The following HIVEP3 variants were observed in gnomAD, a reference collection of about 807,000 sequenced individuals.
HIVEP3 encodes the protein HIVEP zinc finger 3.
In HIVEP3, 49 loss-of-function variants were observed where a neutral mutation model predicts 152.8. The ratio of observed to expected loss-of-function variants is 0.32; its 90% CI spans 0.26 to 0.41. HIVEP3 has a LOEUF of 0.41. Ranked by LOEUF, HIVEP3 falls within the 10% of genes least tolerant of loss-of-function variation. The pLI is 1.00. For synonymous variants in HIVEP3, 1,269 were observed against 1,289.0 expected (o/e 0.98, Z 0.33); for missense variants, 2,790 against 3,103.3 (o/e 0.90, Z 2.40).
At chr1:41,643,603 T>C (rs1553242193) in intron 2 of HIVEP3, among the ~76,000 whole-genome samples, 1 of 152,258 alleles carries the variant, frequency 6.6e-6, no homozygotes, top group Non-Finnish European at 1.5e-5. Context: ...ACAGTCTGCC[T>C]GGACCAAAGG....
intron 3 of HIVEP3, among the ~76,000 whole-genome samples, chr1:41,610,736 G>C (rs1442869464): frequency 6.6e-6 from 1 of 152,106 alleles, no homozygotes; most frequent in Non-Finnish European, 1.5e-5. Flanking sequence ...ACTGAATTCC[G>C]AGCGCAATTT....
intron 1 of HIVEP3, among the ~76,000 whole-genome samples, chr1:42,003,125 G>T (rs1176266765): frequency 1.3e-5 from 2 of 151,690 alleles, no homozygotes; most frequent in East Asian, 1.9e-4. Flanking sequence ...GCCCAGGCTG[G>T]AGTACAGTGG....
intron 1 of HIVEP3, among the ~76,000 whole-genome samples, chr1:42,017,084 A>G (rs1319410820): frequency 2.0e-4 from 31 of 152,094 alleles, no homozygotes; most frequent in Admixed American, 2.0e-3. Context: ...CTGGCAACAC[A>G]TAATACATTA....
At chr1:41,540,831 T>C (rs773277959) in intron 5 of HIVEP3, among the ~76,000 whole-genome samples, 1 of 152,172 alleles carries the variant, frequency 6.6e-6, no homozygotes, top group Non-Finnish European at 1.5e-5. Flanking sequence ...ACAGGTCTAG[T>C]ATTCAAGCCC....
chr1:41,938,776 T>C (rs1205225539), intron 1 of HIVEP3, among the ~76,000 whole-genome samples: 1 of 152,192 alleles, frequency 6.6e-6, no homozygotes, highest in Non-Finnish European at 1.5e-5. Flanking sequence ...CTCATTCTCA[T>C]AACCTAAATA....
At chr1:41,849,744 G>T (rs984625852) in intron 1 of HIVEP3, among the ~76,000 whole-genome samples, 38 of 150,728 alleles carry the variant, frequency 2.5e-4, no homozygotes, top group African/African-American at 9.1e-4. Context: ...AGGCTGGAGT[G>T]CAATGGCGCA....
intron 1 of HIVEP3, among the ~76,000 whole-genome samples, chr1:41,886,110 A>G (rs1291829305): frequency 3.3e-5 from 5 of 152,180 alleles, no homozygotes; most frequent in African/African-American, 1.2e-4. Flanking sequence ...GATGAAGAGC[A>G]CTGTATCTTT....
At chr1:41,704,460 C>T (rs1057168705) in intron 1 of HIVEP3, among the ~76,000 whole-genome samples, 1 of 152,250 alleles carries the variant, frequency 6.6e-6, no homozygotes, top group African/African-American at 2.4e-5. Flanking sequence ...AGCGCCAGTG[C>T]CAGCAACTAG....
chr1:41,518,362 G>C (rs147597306), intron 7 of HIVEP3, 40 bp downstream of exon 7: 1 of 1,550,434 alleles, frequency 6.4e-7, no homozygotes, highest in South Asian at 1.1e-5. Context: ...AGGGAAAGCG[G>C]ACAAGGGGAA....
At chr1:41,572,504 G>A (rs1352615159) in intron 5 of HIVEP3, among the ~76,000 whole-genome samples, 1 of 152,172 alleles carries the variant, frequency 6.6e-6, no homozygotes, top group Non-Finnish European at 1.5e-5. Context: ...CCTTTGCTGT[G>A]AGCTTCTCAG....
At chr1:42,020,458 T>C (rs183190394) in intron 1 of HIVEP3, among the ~76,000 whole-genome samples, 8 of 148,190 alleles carry the variant, frequency 5.4e-5, no homozygotes, top group African/African-American at 2.0e-4. Flanking sequence ...TTTTTGGAAT[T>C]TGTTTATTTC....
intron 1 of HIVEP3, among the ~76,000 whole-genome samples, chr1:41,854,391 GAA>G (rs1643693939): frequency 1.3e-5 from 2 of 152,028 alleles, no homozygotes; most frequent in African/African-American, 4.8e-5. Flanking sequence ...GCATCCCACT[GAA>G]AACAGAAGAG....
chr1:41,996,609 G>A (rs1407139407), intron 1 of HIVEP3, among the ~76,000 whole-genome samples: 1 of 152,194 alleles, frequency 6.6e-6, no homozygotes, highest in Non-Finnish European at 1.5e-5. Flanking sequence ...CTGAGAGGAA[G>A]GATGGGAGGA....
chr1:41,803,354 G>A (rs1325263908), intron 1 of HIVEP3, among the ~76,000 whole-genome samples: 1 of 152,188 alleles, frequency 6.6e-6, no homozygotes, highest in Admixed American at 6.5e-5. Context: ...CCCAAGACCA[G>A]CAGGCAGCCC....
intron 1 of HIVEP3, among the ~76,000 whole-genome samples, chr1:41,993,319 C>T (rs553929121): frequency 6.8e-4 from 102 of 150,876 alleles, no homozygotes; most frequent in African/African-American, 2.3e-3. Context: ...AACAAACAAC[C>T]CCATCAAAAA....
chr1:41,613,499 G>A (rs1405867131), intron 3 of HIVEP3, among the ~76,000 whole-genome samples: 5 of 152,136 alleles, frequency 3.3e-5, no homozygotes, highest in Non-Finnish European at 7.3e-5. Context: ...ATTTGTGAGT[G>A]AATAAATAAA....
intron 2 of HIVEP3, among the ~76,000 whole-genome samples, chr1:41,700,686 TGG>T: frequency 6.6e-6 from 1 of 152,378 alleles, no homozygotes; most frequent in Non-Finnish European, 1.5e-5. Context: ...CCTTGGCTCC[TGG>T]CCCAGGACTC....
chr1:41,524,939 G>GA (rs763353087), intron 5 of HIVEP3, 29 bp from the exon 6 acceptor site: 323 of 1,580,552 alleles, frequency 2.0e-4, no homozygotes, highest in Non-Finnish European at 2.4e-4. Context: ...ATAGTAAAGG[G>GA]AAAAAAAAGG....
intron 1 of HIVEP3, among the ~76,000 whole-genome samples, chr1:41,850,102 G>A (rs889323688): frequency 2.0e-5 from 3 of 152,146 alleles, no homozygotes; most frequent in South Asian, 2.1e-4. Flanking sequence ...ACACTCCTAC[G>A]GTTTTTTAAT....
Sources: gnomAD v4.1 joint callset for allele counts (sites outside exome capture counted in the v4.1 genomes callset) on GRCh38, gnomAD v4.1.1 for gene constraint, MANE v1.5 for transcripts, NCBI Gene and HGNC (gene_info 2026-07-23, HGNC 2026-07-21) for gene names.